The following HOXA5 variants were observed in gnomAD, a reference collection of about 807,000 sequenced individuals.
HOXA5 encodes homeobox protein Hox-A5.
Under a neutral mutation model 20.0 loss-of-function variants are expected in HOXA5, and 12 were observed. The ratio of observed to expected loss-of-function variants is 0.60; its 90% CI spans 0.38 to 0.97. The LOEUF is 0.97. Among genes scored for constraint, HOXA5 ranks in the 50% least tolerant of loss-of-function variants. The probability of loss-of-function intolerance (pLI) is 0.00; values close to 1 mark genes in which losing one functional copy is unlikely to be tolerated. For synonymous variants in HOXA5, 159 were observed against 157.7 expected (o/e 1.01, Z -0.06); for missense variants, 352 against 380.3 (o/e 0.93, Z 0.62).
chr7:27,143,672 C>T lies in HOXA5; in HGVS notation c.-65G>A. On this transcript the variant is annotated 5_prime_UTR_variant, in exon 1 of 2. Coordinates refer to ENST00000222726, the MANE Select transcript of HOXA5 (RefSeq NM_019102.4). ...CGTTTGTGCGTCTATAGCACCCTTG[C>T]ACAATTTATGATGAATTATGGAAAT... 1 of 1,521,576 alleles carries T rather than the reference C, an allele frequency of 6.6e-7. No individual in the cohort carries two copies. Among genetic ancestry groups the T allele is most frequent in the Non-Finnish European group, 8.8e-7 (1 of 1,133,716 alleles). The allele number at this position is 1,521,576 out of a possible 1,614,324, so 94.3% of individuals were successfully genotyped here.
chr7:27,143,443 G>A lies in HOXA5; in HGVS notation c.165C>T (p.Ser55=), dbSNP rs370086397. The stretch of plus-strand genomic sequence containing the variant: ...AGTGGCCGGAGCCCGAGCGGCCGAC[G>A]CTGAGATCCATGCCATTGTAGCCGT... ...YGYGYNGMDL[S]VGRSGSGHFG... Residue 55 remains serine (S), a synonymous_variant, in exon 1 of 2, where the codon AGC becomes AGT. Transcript: ENST00000222726. The A allele has an allele frequency of 2.5e-6, 4 of 1,613,482 alleles. No homozygotes were observed. Among genetic ancestry groups the A allele is most frequent in the East Asian group, 4.5e-5 (2 of 44,856 alleles).
chr7:27,141,104 A>T lies in HOXA5; in HGVS notation c.*731T>A, dbSNP rs17449150. The T allele has an allele frequency of 7.4e-6, 1 of 134,236 alleles. No individual in the cohort carries two copies. The highest frequency in any genetic ancestry group is 1.6e-5 in the Non-Finnish European group (1 of 62,594). The allele number at this position is 134,236 out of a possible 1,614,324, so 8.3% of individuals were successfully genotyped here. A position where few individuals can be genotyped will look rare whatever the true frequency, so the allele number is the denominator to read the frequency against. ...GTTCCAGTCAGTATTTTTTCCTTAAAAACAAATACAAAAAAAAAAAAAAAA... is the reference window on the plus strand; with the variant it reads ...GTTCCAGTCAGTATTTTTTCCTTAATAACAAATACAAAAAAAAAAAAAAAA... On this transcript the variant is annotated 3_prime_UTR_variant, in exon 2 of 2. Coordinates refer to ENST00000222726, the MANE Select transcript of HOXA5 (RefSeq NM_019102.4).
At position 27,143,555 on chromosome 7, in the gene HOXA5, T is replaced by A. The variant is rs1782651688; in HGVS notation, c.53A>T (p.Asp18Val). 1 of 1,608,038 alleles carries A rather than the reference T, an allele frequency of 6.2e-7. No individual in the cohort carries two copies. Among genetic ancestry groups the A allele is most frequent in the Non-Finnish European group, 8.5e-7 (1 of 1,177,430 alleles). The change falls in exon 1 of 2, where the codon GAC (aspartate) becomes GTC (valine). Residue 18 changes from aspartate to valine, a missense_variant. Physicochemically the swap from Asp to Val is radical, Grantham distance 152 (BLOSUM62 -3). Around this residue, in one of 3 missense-constraint regions of HOXA5, gnomAD observed 319 missense variants for 336.5 expected, o/e 0.95. Transcript: ENST00000222726. Reference protein sequence around the residue: ...SFCGRYPNGPDYQLHNYGDHS... With the variant: ...SFCGRYPNGPVYQLHNYGDHS... ...ATCTCCATAATTATGCAACTGGTAG[T>A]CCGGGCCATTTGGATAGCGACCGCA...
Position 27,141,870 on chromosome 7 carries a change from T to G in HOXA5, c.778A>C (p.Ser260Arg). ...WKKDNKLKSM[S>R]MAAAGGAFRP Reference sequence around the variant, plus strand: ...AAGGCCCCTCCTGCCGCGGCCATGCTCATGCTTTTCAGCTTATTATCTTTT... The same window carrying G: ...AAGGCCCCTCCTGCCGCGGCCATGCGCATGCTTTTCAGCTTATTATCTTTT... Residue 260 changes from serine (S) to arginine (R), a missense_variant, in exon 2 of 2, where the codon AGC (serine) becomes CGC (arginine). Around this residue, in one of 3 missense-constraint regions of HOXA5, gnomAD observed 30 missense variants for 26.0 expected, o/e 1.15. Transcript: ENST00000222726. 6.2e-7 allele frequency: 1 copy of G among 1,614,226 alleles called. No homozygotes were observed. Among genetic ancestry groups the G allele is most frequent in the Non-Finnish European group, 8.5e-7 (1 of 1,180,042 alleles).
Position 27,143,201 on chromosome 7 carries a change from T to C in HOXA5, c.407A>G (p.His136Arg). 1 of 1,611,192 alleles carries C rather than the reference T, an allele frequency of 6.2e-7. No homozygotes were observed. The highest frequency in any genetic ancestry group is 8.5e-7 in the Non-Finnish European group (1 of 1,179,132). The part of the protein sequence containing the change: ...SGASADAGST[H>R]ISSREGVGTA... ...GCCAACCCCCTCTCTGCTGCTGATG[T>C]GGGTGCTGCCGGCGTCGGCCGAGGC... Residue 136 changes from histidine to arginine, a missense_variant, in exon 1 of 2, where the codon CAC becomes CGC. Physicochemically the swap from His to Arg is conservative, Grantham distance 29. This residue lies in a region of HOXA5 where 319 missense variants were observed against 336.5 expected (regional missense o/e 0.95). Transcript: ENST00000222726.
At position 27,141,343 on chromosome 7, in the gene HOXA5, C is replaced by T. The variant is rs1312866650; in HGVS notation, c.*492G>A. The T allele has an allele frequency of 1.3e-5, 2 of 155,700 alleles. No homozygotes were observed. The highest frequency in any genetic ancestry group is 2.9e-5 in the Non-Finnish European group (2 of 70,142). The allele number at this position is 155,700 out of a possible 1,614,324, so 9.6% of individuals were successfully genotyped here. A position where few individuals can be genotyped will look rare whatever the true frequency, so the allele number is the denominator to read the frequency against. ...TCACTACACGTCGAACAAGTTGTGTCTCATCAAGTCACCTCTACAACAGCA... is the reference window on the plus strand; with the variant it reads ...TCACTACACGTCGAACAAGTTGTGTTTCATCAAGTCACCTCTACAACAGCA... On this transcript the variant is annotated 3_prime_UTR_variant, in exon 2 of 2. Coordinates refer to ENST00000222726, the MANE Select transcript of HOXA5 (RefSeq NM_019102.4).
rs200385351 is a variant in HOXA5 at position 27,143,013 on chromosome 7, G to C, written c.562+33C>G. The C allele has an allele frequency of 1.0e-4, 151 of 1,490,580 alleles. 1 individual carries two copies. In the East Asian group the frequency reaches 3.6e-3, roughly 35 times the overall value. 92.3% of individuals were successfully genotyped at this position (1,490,580 alleles called of 1,614,324 possible). On this transcript the variant is annotated intron_variant, in intron 1 of 1. Transcript: ENST00000222726. The stretch of plus-strand genomic sequence containing the variant: ...GGGGGACCGAGAGCCGCGTCCCCGC[G>C]GTCGCGTGGATTTAGAAAAAGGCTG...
chr7:27,142,227 T>C, intron 1 of HOXA5, 142 bp from the exon 2 acceptor site: 1 of 815,492 alleles, frequency 1.2e-6, no homozygotes, highest in Non-Finnish European at 1.9e-6. Flanking sequence ...CCTCCCGAAT[T>C]TCCTTCTCTC....
Position 27,143,101 on chromosome 7 carries a change from C to T in HOXA5, c.507G>A (p.Ala169=), listed in dbSNP as rs1464036533. 8.3e-6 allele frequency: 13 copies of T among 1,566,774 alleles called. 1 individual carries two copies. In the South Asian group the frequency reaches 1.6e-4, roughly 19 times the overall value. ...QASAQSEPSP[A]PPAQPQIYPW... ...GGTAGATCTGGGGTTGGGCGGGCGG[C>T]GCCGGGCTCGGCTCGCTCTGCGCAC... is the stretch of plus-strand genomic sequence containing the variant. The change falls in exon 1 of 2, where the codon GCG becomes GCA. Residue 169 remains alanine (A), a synonymous_variant. Coordinates refer to ENST00000222726, the MANE Select transcript of HOXA5 (RefSeq NM_019102.4).
chr7:27,141,732 G>T lies in HOXA5; in HGVS notation c.*103C>A. ...GATGAATTAGGGCAACGAGAACAGG[G>T]CTTCTTCACAGAAGGAACACAAGGG... On this transcript the variant is annotated 3_prime_UTR_variant, in exon 2 of 2. Coordinates refer to ENST00000222726, the MANE Select transcript of HOXA5 (RefSeq NM_019102.4). 1 of 1,411,914 alleles carries T rather than the reference G, an allele frequency of 7.1e-7. No individual in the cohort carries two copies. The highest frequency in any genetic ancestry group is 9.7e-7 in the Non-Finnish European group (1 of 1,034,112). 87.5% of individuals were successfully genotyped at this position (1,411,914 alleles called of 1,614,324 possible). A position where few individuals can be genotyped will look rare whatever the true frequency, so the allele number is the denominator to read the frequency against.
Position 27,143,556 on chromosome 7 carries a change from C to G in HOXA5, c.52G>C (p.Asp18His), listed in dbSNP as rs1782651765. The G allele has an allele frequency of 6.2e-7, 1 of 1,608,066 alleles. No homozygotes were observed. The change falls in exon 1 of 2, where the codon GAC becomes CAC. Residue 18 changes from aspartate to histidine, a missense_variant. By Grantham distance (81) the Asp-to-His change is moderately conservative. This residue lies in a region of HOXA5 where 319 missense variants were observed against 336.5 expected (regional missense o/e 0.95). Transcript: ENST00000222726. Reference protein sequence around the residue: ...SFCGRYPNGPDYQLHNYGDHS... With the variant: ...SFCGRYPNGPHYQLHNYGDHS... ...TCTCCATAATTATGCAACTGGTAGT[C>G]CGGGCCATTTGGATAGCGACCGCAA...
intron 1 of HOXA5, 57 bp downstream of exon 1, chr7:27,142,989 G>C: frequency 7.0e-7 from 1 of 1,432,044 alleles, no homozygotes; most frequent in Non-Finnish European, 9.4e-7. Context: ...AGAAGAGAGG[G>C]GGGACCGAGA....
At position 27,143,164 on chromosome 7, in the gene HOXA5, T is replaced by C. The variant is rs2128060629; in HGVS notation, c.444A>G (p.Gly148=). 1 of 1,609,914 alleles carries C rather than the reference T, an allele frequency of 6.2e-7. No homozygotes were observed. The highest frequency in any genetic ancestry group is 8.5e-7 in the Non-Finnish European group (1 of 1,178,702). ...TGCTGGCAGGGGCGTCCTCCTCGGCTCCGGACGCCGTGCCAACCCCCTCTC... is the reference window on the plus strand; with the variant it reads ...TGCTGGCAGGGGCGTCCTCCTCGGCCCCGGACGCCGTGCCAACCCCCTCTC... ...SSREGVGTAS[G]AEEDAPASSE... Residue 148 remains glycine (G), a synonymous_variant, in exon 1 of 2, where the codon GGA becomes GGG. Coordinates refer to ENST00000222726, the MANE Select transcript of HOXA5 (RefSeq NM_019102.4).
Position 27,141,599 on chromosome 7 carries a change from A to C in HOXA5, c.*236T>G. ...AGCTTGCTTCATATAAATAAGTTAA[A>C]ACATCTATTTTTTTTCAAGACAAAG... On this transcript the variant is annotated 3_prime_UTR_variant, in exon 2 of 2. Coordinates refer to ENST00000222726, the MANE Select transcript of HOXA5 (RefSeq NM_019102.4). 1 of 417,072 alleles carries C rather than the reference A, an allele frequency of 2.4e-6. No individual in the cohort carries two copies. Among genetic ancestry groups the C allele is most frequent in the Non-Finnish European group, 4.2e-6 (1 of 236,662 alleles). The allele number at this position is 417,072 out of a possible 1,614,324, so 25.8% of individuals were successfully genotyped here.
rs752398373 is a variant in HOXA5 at position 27,143,161 on chromosome 7, G to A, written c.447C>T (p.Ala149=). The change falls in exon 1 of 2, where the codon GCC becomes GCT. Residue 149 remains alanine (A), a synonymous_variant. Transcript: ENST00000222726. ...SREGVGTASG[A]EEDAPASSEQ... Reference sequence around the variant, plus strand: ...CGCTGCTGGCAGGGGCGTCCTCCTCGGCTCCGGACGCCGTGCCAACCCCCT... The same window carrying A: ...CGCTGCTGGCAGGGGCGTCCTCCTCAGCTCCGGACGCCGTGCCAACCCCCT... The A allele has an allele frequency of 6.2e-7, 1 of 1,609,726 alleles. No individual in the cohort carries two copies. The highest frequency in any genetic ancestry group is 1.1e-5 in the South Asian group (1 of 90,426).
Position 27,141,852 on chromosome 7 carries a change from C to T in HOXA5, c.796G>A (p.Gly266Arg). Residue 266 changes from glycine to arginine, a missense_variant, in exon 2 of 2, where the codon GGG becomes AGG. Coordinates refer to ENST00000222726, the MANE Select transcript of HOXA5 (RefSeq NM_019102.4). ...TCAGATACTCAGGGACGGAAGGCCC[C>T]TCCTGCCGCGGCCATGCTCATGCTT... Reference protein sequence around the residue: ...LKSMSMAAAGGAFRP With the variant: ...LKSMSMAAAGRAFRP 1 of 1,614,122 alleles carries T rather than the reference C, an allele frequency of 6.2e-7. No individual in the cohort carries two copies. Among genetic ancestry groups the T allele is most frequent in the Non-Finnish European group, 8.5e-7 (1 of 1,180,032 alleles).
At chr7:27,142,133 A>C (rs962807174) in intron 1 of HOXA5, 48 bp from the exon 2 acceptor site, 3 of 1,588,268 alleles carry the variant, frequency 1.9e-6, no homozygotes, top group Admixed American at 3.5e-5. Context: ...TGTCTTCCAA[A>C]GTCCGCCAGG....
In HOXA5 at chr7:27,142,023, C is replaced by G; in HGVS notation, c.625G>C (p.Glu209Gln). The G allele has an allele frequency of 5.0e-6, 8 of 1,614,224 alleles. No homozygotes were observed. The highest frequency in any genetic ancestry group is 6.8e-6 in the Non-Finnish European group (8 of 1,180,048). The change falls in exon 2 of 2, where the codon GAG (glutamate) becomes CAG (glutamine). Residue 209 changes from glutamate (E) to glutamine (Q), a missense_variant. By Grantham distance (29) the Glu-to-Gln change is conservative. Around this residue, in one of 3 missense-constraint regions of HOXA5, gnomAD observed 319 missense variants for 336.5 expected, o/e 0.95. Coordinates refer to ENST00000222726, the MANE Select transcript of HOXA5 (RefSeq NM_019102.4). Reference sequence around the variant, plus strand: ...TTGAAGTGGAACTCCTTCTCCAGCTCCAGGGTCTGGTAGCGCGTGTAGGCC... The same window carrying G: ...TTGAAGTGGAACTCCTTCTCCAGCTGCAGGGTCTGGTAGCGCGTGTAGGCC... ...RTAYTRYQTL[E>Q]LEKEFHFNRY...
chr7:27,143,014 G>T, intron 1 of HOXA5, 32 bp downstream of exon 1: 1 of 1,489,126 alleles, frequency 6.7e-7, no homozygotes, highest in Non-Finnish European at 8.9e-7. Context: ...CGTCCCCGCG[G>T]TCGCGTGGAT....
Sources: allele counts gnomAD v4.1 joint callset, GRCh38; gene constraint gnomAD v4.1.1; regional missense constraint gnomAD v4.1.1; transcripts MANE v1.5; gene names NCBI Gene and HGNC (gene_info 2026-07-23, HGNC 2026-07-21).